SGCG: variants seen among roughly 807,000 people sequenced by gnomAD.
SGCG encodes sarcoglycan gamma.
In SGCG, 26 loss-of-function variants were observed where a neutral mutation model predicts 29.3. The ratio of observed to expected loss-of-function variants is 0.89; its 90% confidence interval spans 0.65 to 1.23. SGCG has a LOEUF of 1.23. SGCG is among the 50% of genes most tolerant of loss of function. The pLI, the probability that SGCG is intolerant of heterozygous loss-of-function variation, is 0.00. For missense variants in SGCG, 353 were observed against 356.0 expected, an observed-to-expected ratio of 0.99 and a Z score of 0.07; for synonymous variants, 145 against 129.7, an observed-to-expected ratio of 1.12 and a Z score of -0.80.
intron 1 of SGCG, among the ~76,000 whole-genome samples, chr13:23,198,473 A>ATAGTGCTT (rs1877601242): frequency 6.6e-6 from 1 of 152,222 alleles, no homozygotes; most frequent in Non-Finnish European, 1.5e-5. Context: ...CAAAACAAGT[A>ATAGTGCTT]TAGTGCTTCA....
At chr13:23,160,807 T>G in the SGCG span, among the ~76,000 whole-genome samples, 1 of 152,122 alleles carries the variant, frequency 6.6e-6, no homozygotes, top group Admixed American at 6.5e-5. Flanking sequence ...CGTGCCCTCT[T>G]TCTCCTCGCC....
At chr13:23,163,494 C>T in the SGCG span, among the ~76,000 whole-genome samples, 1 of 152,126 alleles carries the variant, frequency 6.6e-6, no homozygotes, top group East Asian at 1.9e-4. Flanking sequence ...GAAGAGGGGA[C>T]CCAGTTCTGG....
At chr13:23,199,359 T>C (rs1250257516) in intron 1 of SGCG, among the ~76,000 whole-genome samples, 1 of 152,230 alleles carries the variant, frequency 6.6e-6, no homozygotes, top group Non-Finnish European at 1.5e-5. Flanking sequence ...GTTATTCCAA[T>C]GCAATTTCTT....
intron 2 of SGCG, among the ~76,000 whole-genome samples, chr13:23,224,667 C>CACACACACACAT (rs1878822970): frequency 6.7e-6 from 1 of 148,202 alleles, no homozygotes; most frequent in African/African-American, 2.4e-5. Flanking sequence ...GGCACACATA[C>CACACACACACAT]ACACACACAC....
chr13:23,173,238 A>C, the SGCG span, among the ~76,000 whole-genome samples: 1 of 152,188 alleles, frequency 6.6e-6, no homozygotes, highest in Non-Finnish European at 1.5e-5. Flanking sequence ...TTAAACTCTC[A>C]GCATCAAAGA....
intron 2 of SGCG, among the ~76,000 whole-genome samples, chr13:23,222,716 T>C (rs1878719186): frequency 6.6e-6 from 1 of 151,948 alleles, no homozygotes. Flanking sequence ...TAGTCTCAGC[T>C]ACTCAGGAAG....
At chr13:23,315,015 C>T (rs1292726990) in intron 6 of SGCG, among the ~76,000 whole-genome samples, 1 of 152,196 alleles carries the variant, frequency 6.6e-6, no homozygotes, top group Non-Finnish European at 1.5e-5. Context: ...AGCTGCTCTG[C>T]CGCTTGGGCC....
At chr13:23,167,448 G>A in the SGCG span, among the ~76,000 whole-genome samples, 2 of 152,278 alleles carry the variant, frequency 1.3e-5, no homozygotes, top group South Asian at 4.1e-4. Flanking sequence ...GAATCTCATA[G>A]TAGCTCTATT....
chr13:23,182,224 G>A (rs571976), intron 1 of SGCG, among the ~76,000 whole-genome samples: 116,608 of 152,136 alleles, frequency 0.77, 45,096 homozygotes, highest in African/African-American at 0.86. Flanking sequence ...TTAAATGATA[G>A]TTGTAAATTA....
chr13:23,306,416 T>C (rs74434173), intron 6 of SGCG, among the ~76,000 whole-genome samples: 2 of 152,202 alleles, frequency 1.3e-5, no homozygotes, highest in Non-Finnish European at 2.9e-5. Flanking sequence ...GGGAGTTGAT[T>C]TTGGCCAACT....
chr13:23,173,024 C>A, the SGCG span, among the ~76,000 whole-genome samples: 1 of 152,174 alleles, frequency 6.6e-6, no homozygotes, highest in African/African-American at 2.4e-5. Flanking sequence ...ATTTACCGCC[C>A]ACTTTCTGAA....
chr13:23,259,828 T>C (rs551544048), intron 4 of SGCG, among the ~76,000 whole-genome samples: 1 of 152,352 alleles, frequency 6.6e-6, no homozygotes, highest in South Asian at 2.1e-4. Context: ...GAGCAGGTTG[T>C]TCAGTTTCCA....
chr13:23,282,655 A>T lies in SGCG; in HGVS notation c.505+3177A>T, dbSNP rs148860846. Among the ~76,000 whole-genome samples the T allele has an allele frequency of 2.4e-3, 372 of 152,346 alleles. 2 individuals carry two copies. The highest frequency in any genetic ancestry group is 3.7e-3 in the Non-Finnish European group (250 of 68,032). ...GCTCCATCCATGTCCCTAGAAGGGC[A>T]TGCATGATCACATTCTTTTTAATGA... On this transcript the variant is annotated intron_variant, in intron 5 of 7. Coordinates refer to ENST00000218867, the MANE Select transcript of SGCG (RefSeq NM_000231.3).
the SGCG span, among the ~76,000 whole-genome samples, chr13:23,172,330 G>A: frequency 6.6e-6 from 1 of 152,016 alleles, no homozygotes; most frequent in African/African-American, 2.4e-5. Context: ...ATAACACTTA[G>A]GAAAGTCACT....
intron 2 of SGCG, among the ~76,000 whole-genome samples, chr13:23,207,830 A>C (rs1411171720): frequency 6.6e-6 from 1 of 152,150 alleles, no homozygotes; most frequent in Non-Finnish European, 1.5e-5. Flanking sequence ...TGAAATTGGA[A>C]CCCTCGTGCA....
intron 1 of SGCG, among the ~76,000 whole-genome samples, chr13:23,185,757 T>C (rs979539455): frequency 6.6e-5 from 10 of 152,170 alleles, no homozygotes; most frequent in African/African-American, 2.4e-4. Context: ...TGATAAAACG[T>C]TGGAGTGTGC....
At chr13:23,231,704 A>G (rs1221892699) in intron 2 of SGCG, among the ~76,000 whole-genome samples, 1 of 152,218 alleles carries the variant, frequency 6.6e-6, no homozygotes, top group African/African-American at 2.4e-5. Flanking sequence ...GTTTAAGTTT[A>G]TAAACTATAT....
intron 3 of SGCG, among the ~76,000 whole-genome samples, chr13:23,237,184 C>T (rs1158697305): frequency 6.6e-6 from 1 of 152,168 alleles, no homozygotes. Context: ...AAAAGTAATA[C>T]ATGAGGGCCT....
rs1261289158 is a variant in SGCG, at chr13:23,250,535, A to G, written c.298-95A>G. 4.1e-6 allele frequency: 3 copies of G among 729,550 alleles called. No individual in the cohort carries two copies. The Admixed American group carries it at 6.1e-5, about 15-fold the overall frequency. The allele number at this position is 729,550 out of a possible 1,614,324, so 45.2% of individuals were successfully genotyped here. On this transcript the variant is annotated intron_variant, in intron 3 of 7. Transcript: ENST00000218867. ...TTCCAGGATCTGTAACAATGGATAA[A>G]TAATTTTATAAAAATCCTAAATTTA...
Sources: allele counts gnomAD v4.1 joint callset (sites outside exome capture counted in the v4.1 genomes callset), GRCh38; gene constraint gnomAD v4.1.1; transcripts MANE v1.5; gene names NCBI Gene and HGNC (gene_info 2026-07-23, HGNC 2026-07-21).